Variants in CGGBP1 observed in about 807,000 individuals in gnomAD.
CGGBP1 encodes the protein CGG triplet repeat-binding protein 1.
CGGBP1 carries 4 observed loss-of-function variants against 11.4 expected under a neutral mutation model. The observed-to-expected ratio is 0.35, with a 90% CI of 0.17 to 0.80. The LOEUF is 0.80. CGGBP1 is among the 30% of genes least tolerant of loss of function. The pLI is 0.52. For synonymous variants in CGGBP1, 76 were observed against 74.1 expected, an observed-to-expected ratio of 1.03 and a Z score of -0.13; for missense variants, 135 against 202.1, an observed-to-expected ratio of 0.67 and a Z score of 2.01.
chr3:88,140,745 G>T (rs759908248), intron 2 of CGGBP1: 1 of 1,613,630 alleles, frequency 6.2e-7, no homozygotes, highest in South Asian at 1.1e-5. Context: ...AGTATCTCAG[G>T]CACCTTCCAA....
At chr3:88,068,012 G>A (rs1287302706) in intron 2 of CGGBP1, among the ~76,000 whole-genome samples, 2 of 152,072 alleles carry the variant, frequency 1.3e-5, no homozygotes, top group African/African-American at 2.4e-5. Flanking sequence ...CCCCTGAAGG[G>A]GAGTAAGGAC....
intron 2 of CGGBP1, chr3:88,095,674 G>T: frequency 2.2e-6 from 1 of 462,714 alleles, no homozygotes; most frequent in South Asian, 1.6e-5. Flanking sequence ...TTTTGGACTT[G>T]ATACTGTCAG....
chr3:88,112,859 A>G (rs1705179543), intron 2 of CGGBP1, among the ~76,000 whole-genome samples: 1 of 152,066 alleles, frequency 6.6e-6, no homozygotes, highest in African/African-American at 2.4e-5. Flanking sequence ...CATTGTGGTC[A>G]TTAGTAGGCA....
intron 2 of CGGBP1, among the ~76,000 whole-genome samples, chr3:88,096,681 G>A (rs1704081118): frequency 6.6e-6 from 1 of 151,870 alleles, no homozygotes; most frequent in South Asian, 2.1e-4. Context: ...CCCTTTTAGC[G>A]GCTTGCTTTT....
At chr3:88,119,577 GACTA>G (rs1033558456) in intron 2 of CGGBP1, among the ~76,000 whole-genome samples, 5 of 151,428 alleles carry the variant, frequency 3.3e-5, no homozygotes, top group African/African-American at 9.7e-5. Flanking sequence ...AATTATTGGA[GACTA>G]ACTAGCCCAC....
chr3:88,057,934 G>A (rs1235676871), intron 2 of CGGBP1, 85 bp downstream of exon 2: 1 of 152,124 alleles, frequency 6.6e-6, no homozygotes, highest in Admixed American at 6.5e-5. Context: ...AAAAAGTGCA[G>A]GAATTAGCCA....
intron 2 of CGGBP1, among the ~76,000 whole-genome samples, chr3:88,129,321 T>TATA (rs1553699717): frequency 1.3e-5 from 1 of 76,948 alleles, no homozygotes; most frequent in Non-Finnish European, 2.4e-5. Context: ...TTGCCAGGAG[T>TATA]AAAAAAAAAA....
chr3:88,137,457 T>G (rs1263106237), intron 2 of CGGBP1, among the ~76,000 whole-genome samples: 1 of 152,182 alleles, frequency 6.6e-6, no homozygotes, highest in Admixed American at 6.5e-5. Context: ...GAGGTTACTA[T>G]GTACCAACTT....
At chr3:88,086,966 T>C (rs1708365837) in intron 2 of CGGBP1, among the ~76,000 whole-genome samples, 4 of 152,150 alleles carry the variant, frequency 2.6e-5, no homozygotes. Flanking sequence ...GTATTTTTAG[T>C]AGAGATGGGG....
intron 2 of CGGBP1, among the ~76,000 whole-genome samples, chr3:88,080,616 C>G (rs1160565136): frequency 1.3e-5 from 2 of 151,872 alleles, no homozygotes; most frequent in Non-Finnish European, 2.9e-5. Flanking sequence ...AGCCTATACT[C>G]TTTCCATTCT....
chr3:88,140,903 T>C (rs1220465357), intron 2 of CGGBP1: 1 of 1,613,654 alleles, frequency 6.2e-7, no homozygotes, highest in South Asian at 1.1e-5. Flanking sequence ...ATGCCTGTTC[T>C]GATCAAGATA....
chr3:88,134,731 G>A (rs1706669627), intron 2 of CGGBP1, among the ~76,000 whole-genome samples: 2 of 151,880 alleles, frequency 1.3e-5, no homozygotes, highest in South Asian at 2.1e-4. Flanking sequence ...TTAATTAAAG[G>A]CCAAAGTTTA....
intron 2 of CGGBP1, among the ~76,000 whole-genome samples, chr3:88,066,912 T>C (rs1295815072): frequency 2.0e-5 from 3 of 152,240 alleles, no homozygotes; most frequent in Admixed American, 6.5e-5. Context: ...ATTAATTGTA[T>C]ATTAATATGT....
At chr3:88,062,948 A>G (rs1445215018), upstream of CGGBP1, among the ~76,000 whole-genome samples, 1 of 152,258 alleles carries the variant, frequency 6.6e-6, no homozygotes, top group Non-Finnish European at 1.5e-5. Flanking sequence ...TGTGTTTCGC[A>G]GTAAACTTGA....
chr3:88,111,216 C>T (rs2107759373), intron 2 of CGGBP1, among the ~76,000 whole-genome samples: 2 of 151,980 alleles, frequency 1.3e-5, no homozygotes, highest in South Asian at 4.2e-4. Flanking sequence ...TTTTGTTGGG[C>T]TTGTTTTATA....
Position 88,098,989 on chromosome 3 carries a change from A to G in CGGBP1, c.-228-40766T>C, listed in dbSNP as rs372545788. Among the ~76,000 whole-genome samples the G allele has an allele frequency of 3.9e-5, 6 of 152,202 alleles. No homozygotes were observed. The East Asian group carries it at 5.8e-4, about 15-fold the overall frequency. Reference sequence around the variant, plus strand: ...AATGTTGGAAGTTCTGGCCGGGGCAATCAGGCGAGAGAAAGAAATAAAGGG... The same window carrying G: ...AATGTTGGAAGTTCTGGCCGGGGCAGTCAGGCGAGAGAAAGAAATAAAGGG... On this transcript the variant is annotated intron_variant, in intron 2 of 3. Transcript: ENST00000462901.
intron 2 of CGGBP1, among the ~76,000 whole-genome samples, chr3:88,112,843 G>T (rs965384499): frequency 6.6e-6 from 1 of 151,944 alleles, no homozygotes; most frequent in Non-Finnish European, 1.5e-5. Flanking sequence ...CCATTAAATT[G>T]TATTGCATTG....
chr3:88,134,122 G>A (rs1280523161), intron 2 of CGGBP1, among the ~76,000 whole-genome samples: 1 of 151,654 alleles, frequency 6.6e-6, no homozygotes, highest in Non-Finnish European at 1.5e-5. Flanking sequence ...AAAAGGTGGG[G>A]GGTAGTGGAC....
chr3:88,146,889 C>G (rs1223257262), intron 1 of CGGBP1, among the ~76,000 whole-genome samples: 1 of 152,146 alleles, frequency 6.6e-6, no homozygotes, highest in Non-Finnish European at 1.5e-5. Flanking sequence ...ACCTTGTAAT[C>G]ATCCCTGACT....
Sources: gnomAD v4.1 joint callset for allele counts (sites outside exome capture counted in the v4.1 genomes callset) on GRCh38, gnomAD v4.1.1 for gene constraint, MANE v1.5 for transcripts, NCBI Gene and HGNC (gene_info 2026-07-23, HGNC 2026-07-21) for gene names.